The following LIG4 variants were observed in gnomAD, a reference collection of about 807,000 sequenced individuals.
LIG4 encodes the protein DNA joinase.
Under a neutral mutation model 19.0 loss-of-function variants are expected in LIG4, and 13 were observed. That is an observed-to-expected ratio of 0.68 (90% CI 0.44 to 1.09). The LOEUF is 1.09. Among genes scored for constraint, LIG4 ranks in the 50% least tolerant of loss-of-function variants. The pLI, the probability that LIG4 is intolerant of heterozygous loss-of-function variation, is 0.00. For missense variants in LIG4, 1,026 were observed against 1,089.7 expected (o/e 0.94, Z 0.82); for synonymous variants, 361 against 358.2 (o/e 1.01, Z -0.09).
chr13:108,209,829 C>T lies in LIG4; in HGVS notation c.1440G>A (p.Met480Ile), dbSNP rs1878414694. Residue 480 changes from methionine to isoleucine, a missense_variant, in exon 3 of 3, where the codon ATG becomes ATA. Transcript: ENST00000442234. ...CTGCTACTGCACACAGAAAATGAGA[C>T]ATCATTCCACCCCGTGATCCTTTAC... ...YWGKGSRGGMMSHFLCAVAEK... is the reference protein window; with the variant it reads ...YWGKGSRGGMISHFLCAVAEK... The T allele has an allele frequency of 1.9e-6, 3 of 1,614,150 alleles. No individual in the cohort carries two copies. The highest frequency in any genetic ancestry group is 1.6e-4 in the Middle Eastern group (1 of 6,062).
chr13:108,217,588 G>C (rs111746478), upstream of LIG4, among the ~76,000 whole-genome samples: 5,685 of 151,280 alleles, frequency 0.038, 364 homozygotes, highest in African/African-American at 0.13. Flanking sequence ...TCCCAGCTAG[G>C]TCAGAGGCTG....
chr13:108,210,689 A>G lies in LIG4; in HGVS notation c.580T>C (p.Leu194=), dbSNP rs559399480. ...GTTTGCTGACTAACACCAAGCTTTAAATCCTTTATGATCATCCGTATAAGC... is the reference window on the plus strand; with the variant it reads ...GTTTGCTGACTAACACCAAGCTTTAGATCCTTTATGATCATCCGTATAAGC... The part of the protein sequence containing the change: ...KWLIRMIIKD[L]KLGVSQQTIF... Residue 194 remains leucine (L), a synonymous_variant, in exon 3 of 3, where the codon TTA becomes CTA. Coordinates refer to ENST00000442234, the MANE Select transcript of LIG4 (RefSeq NM_206937.2). The G allele has an allele frequency of 3.1e-6, 5 of 1,613,902 alleles. No individual in the cohort carries two copies. In the Admixed American group the frequency reaches 8.3e-5, roughly 27 times the overall value.
chr13:108,208,561 A>G lies in LIG4; in HGVS notation c.2708T>C (p.Leu903Ser). The G allele has an allele frequency of 6.2e-7, 1 of 1,611,738 alleles. No homozygotes were observed. ...AATCAAATACTGGTTTTCTTCTTGT[A>G]ATTCACACTTGTCTATTGAATCAGT... is the stretch of plus-strand genomic sequence containing the variant. ...WVTDSIDKCE[L>S]QEENQYLI The change falls in exon 3 of 3, where the codon TTA becomes TCA. Residue 903 changes from leucine (L) to serine (S), a missense_variant. Around this residue, in one of 3 missense-constraint regions of LIG4, gnomAD observed 521 missense variants for 515.5 expected, o/e 1.01. Transcript: ENST00000442234.
Position 108,207,857 on chromosome 13 carries a change from T to C in LIG4, c.*676A>G, listed in dbSNP as rs1024013096. ...GCATGTTCTATTTCACACAAGAAAT[T>C]AAATGTGAGCTACTTTTAAAATTGC... On this transcript the variant is annotated 3_prime_UTR_variant, in exon 3 of 3. Coordinates refer to ENST00000442234, the MANE Select transcript of LIG4 (RefSeq NM_206937.2). 13 of 152,172 alleles carry C rather than the reference T, an allele frequency of 8.5e-5. No homozygotes were observed. Among genetic ancestry groups the C allele is most frequent in the African/African-American group, 3.1e-4 (13 of 41,444 alleles). 9.4% of individuals were successfully genotyped at this position (152,172 alleles called of 1,614,324 possible).
rs1878115184 is a variant in LIG4 at position 108,208,131 on chromosome 13, A to T, written c.*402T>A. ...TTTTCTTGCAGTGCTTTTATTAGAT[A>T]AAAACTATTGTTAACGTTTTGACTT... On this transcript the variant is annotated 3_prime_UTR_variant, in exon 3 of 3. Transcript: ENST00000442234. The T allele has an allele frequency of 6.3e-6, 1 of 158,022 alleles. No homozygotes were observed. Among genetic ancestry groups the T allele is most frequent in the Admixed American group, 6.3e-5 (1 of 15,826 alleles). 9.8% of individuals were successfully genotyped at this position (158,022 alleles called of 1,614,324 possible).
chr13:108,216,956 T>C (rs186320136), upstream of LIG4, among the ~76,000 whole-genome samples: 249 of 152,346 alleles, frequency 1.6e-3, no homozygotes, highest in Middle Eastern at 6.8e-3. Flanking sequence ...TATTAATTTA[T>C]TTATGTAAAT....
intron 2 of LIG4, among the ~76,000 whole-genome samples, chr13:108,212,576 C>T (rs1038532748): frequency 1.3e-5 from 2 of 152,052 alleles, no homozygotes; most frequent in African/African-American, 4.8e-5. Flanking sequence ...CCTCCTGGCA[C>T]ACCACCATGT....
upstream of LIG4, among the ~76,000 whole-genome samples, chr13:108,216,520 GC>G (rs1448207452): frequency 6.6e-6 from 1 of 152,140 alleles, no homozygotes; most frequent in African/African-American, 2.4e-5. Flanking sequence ...GTTCCGTCTA[GC>G]CCAAGAACAT....
At position 108,207,496 on chromosome 13, in the gene LIG4, T is replaced by C. The variant is rs1416462910; in HGVS notation, c.*1037A>G. The C allele has an allele frequency of 6.6e-6, 1 of 152,136 alleles. No homozygotes were observed. The highest frequency in any genetic ancestry group is 1.9e-4 in the East Asian group (1 of 5,194). 9.4% of individuals were successfully genotyped at this position (152,136 alleles called of 1,614,324 possible). ...AATTAAGAAGTATAACAAAATCACA[T>C]ACATTTGTTCCACGGTTTGAATAAA... is the stretch of plus-strand genomic sequence containing the variant. On this transcript the variant is annotated 3_prime_UTR_variant, in exon 3 of 3. Transcript: ENST00000442234.
Position 108,208,685 on chromosome 13 carries a change from G to A in LIG4, c.2584C>T (p.His862Tyr), listed in dbSNP as rs201176444. Residue 862 changes from histidine to tyrosine, a missense_variant, in exon 3 of 3, where the codon CAT becomes TAT. Transcript: ENST00000442234. ...CTATGATCTTCCCCAATTATTACAT[G>A]AGACACTCCCTCAGCTAAACAAGAA... Reference protein sequence around the residue: ...VVSCLAEGVSHVIIGEDHSRV... With the variant: ...VVSCLAEGVSYVIIGEDHSRV... 5.9e-5 allele frequency: 95 copies of A among 1,614,000 alleles called. No individual in the cohort carries two copies. Among genetic ancestry groups the A allele is most frequent in the Non-Finnish European group, 7.9e-5 (93 of 1,180,018 alleles).
Position 108,210,501 on chromosome 13 carries a change from A to T in LIG4, c.768T>A (p.Ile256=). 1 of 1,612,968 alleles carries T rather than the reference A, an allele frequency of 6.2e-7. No homozygotes were observed. Among genetic ancestry groups the T allele is most frequent in the Non-Finnish European group, 8.5e-7 (1 of 1,179,938 alleles). ...FKPMLAAIAD[I]EHIEKDMKHQ... ...GTTTCATATCCTTCTCAATGTGCTC[A>T]ATATCTGCAATAGCAGCTAGCATTG... Residue 256 remains isoleucine (I), a synonymous_variant, in exon 3 of 3, where the codon ATT becomes ATA. Transcript: ENST00000442234.
chr13:108,210,709 A>G lies in LIG4; in HGVS notation c.560T>C (p.Ile187Thr), dbSNP rs199854013. ...CTTTAAATCCTTTATGATCATCCGT[A>G]TAAGCCACTTTTGCTCAAGTGCTGA... Reference protein sequence around the residue: ...QSSALEQKWLIRMIIKDLKLG... With the variant: ...QSSALEQKWLTRMIIKDLKLG... The change falls in exon 3 of 3, where the codon ATA (isoleucine) becomes ACA (threonine). Residue 187 changes from isoleucine (I) to threonine (T), a missense_variant. Physicochemically the swap from Ile to Thr is moderately conservative, Grantham distance 89 (BLOSUM62 -1). This residue lies in a region of LIG4 where 493 missense variants were observed against 544.5 expected (regional missense o/e 0.91). Coordinates refer to ENST00000442234, the MANE Select transcript of LIG4 (RefSeq NM_206937.2). The G allele has an allele frequency of 4.0e-5, 64 of 1,613,876 alleles. No individual in the cohort carries two copies. The highest frequency in any genetic ancestry group is 5.3e-5 in the Non-Finnish European group (62 of 1,179,970).
rs1878345584 is a variant in LIG4 at position 108,209,462 on chromosome 13, TA to T, written c.1806del (p.Arg603GlyfsTer15). On this transcript the variant is annotated frameshift_variant, in exon 3 of 3. Transcript: ENST00000442234. LOFTEE classifies it low-confidence loss of function (END_TRUNC). Reference protein sequence around the residue: ...ECMTLDDLEQLRGKASGKLAS... With the variant: ...ECMTLDDLEQXRGKASGKLAS... ...GCGAGCTTACCAGATGCCTTCCCCC[TA>T]AGTTGTTCTAGGTCGTCCAGGGTCA... 2 of 1,614,012 alleles carry T rather than the reference TA, an allele frequency of 1.2e-6. No individual in the cohort carries two copies. The highest frequency in any genetic ancestry group is 1.3e-5 in the African/African-American group (1 of 74,916).
At chr13:108,211,370 A>C in intron 2 of LIG4, 74 bp from the exon 3 acceptor site, 2 of 861,414 alleles carry the variant, frequency 2.3e-6, no homozygotes, top group Non-Finnish European at 1.9e-6. Context: ...AAGATCTTAC[A>C]AAGATCACTG....
chr13:108,211,870 G>A (rs1480058736), intron 2 of LIG4, among the ~76,000 whole-genome samples: 2 of 152,100 alleles, frequency 1.3e-5, no homozygotes, highest in Non-Finnish European at 2.9e-5. Context: ...GGAAAAAACA[G>A]GTACCCTCTT....
intron 2 of LIG4, among the ~76,000 whole-genome samples, chr13:108,212,051 T>G (rs1878718409): frequency 6.6e-6 from 1 of 152,126 alleles, no homozygotes; most frequent in Non-Finnish European, 1.5e-5. Flanking sequence ...TTTATTAGTA[T>G]GCTGCTTTTT....
At position 108,210,274 on chromosome 13, in the gene LIG4, A is replaced by G. The variant is rs1878493294; in HGVS notation, c.995T>C (p.Met332Thr). 1.2e-6 allele frequency: 2 copies of G among 1,613,884 alleles called. No homozygotes were observed. The highest frequency in any genetic ancestry group is 1.7e-6 in the Non-Finnish European group (2 of 1,179,942). ...DIQICILDGE[M>T]MAYNPNTQTF... The stretch of plus-strand genomic sequence containing the variant: ...TTGTGTATTAGGATTATAGGCCATC[A>G]TCTCACCATCAAGAATACAGATTTG... The change falls in exon 3 of 3, where the codon ATG (methionine) becomes ACG (threonine). Residue 332 changes from methionine to threonine, a missense_variant. Met to Thr is a moderately conservative substitution (Grantham distance 81). Around this residue, in one of 3 missense-constraint regions of LIG4, gnomAD observed 493 missense variants for 544.5 expected, o/e 0.91. Transcript: ENST00000442234.
At chr13:108,214,239 C>T (rs1340495205) in intron 2 of LIG4, among the ~76,000 whole-genome samples, 1 of 152,108 alleles carries the variant, frequency 6.6e-6, no homozygotes, top group Non-Finnish European at 1.5e-5. Flanking sequence ...CTGTGTTTCC[C>T]TAGGAAACAA....
Position 108,208,715 on chromosome 13 carries a change from C to G in LIG4, c.2554G>C (p.Val852Leu). 1 of 1,614,204 alleles carries G rather than the reference C, an allele frequency of 6.2e-7. No individual in the cohort carries two copies. Residue 852 changes from valine (V) to leucine (L), a missense_variant, in exon 3 of 3, where the codon GTA becomes CTA. Transcript: ENST00000442234. ...ALELRFHGAKVVSCLAEGVSH... is the reference protein window; with the variant it reads ...ALELRFHGAKLVSCLAEGVSH... ...ACTCCCTCAGCTAAACAAGAAACTA[C>G]TTTTGCTCCATGAAACCGAAGCTCC...
Sources: gnomAD v4.1 joint callset for allele counts (sites outside exome capture counted in the v4.1 genomes callset) on GRCh38, gnomAD v4.1.1 for gene constraint, gnomAD v4.1.1 regional missense constraint, MANE v1.5 for transcripts, NCBI Gene and HGNC (gene_info 2026-07-23, HGNC 2026-07-21) for gene names.